P2RY14: variants seen among roughly 807,000 people sequenced by gnomAD.
P2RY14 encodes purinergic receptor P2Y14, also known as P2Y purinoceptor 14.
A neutral mutation model predicts 0.9 loss-of-function variants in P2RY14; 2 were observed. The observed-to-expected ratio is 2.16, with a 90% confidence interval of 0.88 to 6.79. P2RY14 has a LOEUF of 6.79. P2RY14 is among the 30% of genes most tolerant of loss of function. P2RY14 has a pLI of 0.05. For missense variants in P2RY14, 378 were observed against 400.1 expected (o/e 0.94, Z 0.47); for synonymous variants, 158 against 147.2 (o/e 1.07, Z -0.53).
chr3:151,255,857 T>C (rs755859789), intron 1 of P2RY14, among the ~76,000 whole-genome samples: 1 of 152,208 alleles, frequency 6.6e-6, no homozygotes, highest in African/African-American at 2.4e-5. Context: ...AGGCTGGTAA[T>C]GTAATCTCTC....
intron 1 of P2RY14, among the ~76,000 whole-genome samples, chr3:151,246,751 A>G (rs1179765014): frequency 6.6e-6 from 1 of 152,234 alleles, no homozygotes; most frequent in Non-Finnish European, 1.5e-5. Flanking sequence ...AATGGCCACA[A>G]AAGCCAAAAT....
At chr3:151,248,901 A>C (rs549825978) in intron 1 of P2RY14, 2 of 152,324 alleles carry the variant, frequency 1.3e-5, no homozygotes, top group South Asian at 2.1e-4. Context: ...TGTAGGCAAG[A>C]TAGGATCAGC....
At chr3:151,220,759 T>C (rs2149264943) in intron 1 of P2RY14, among the ~76,000 whole-genome samples, 1 of 152,338 alleles carries the variant, frequency 6.6e-6, no homozygotes, top group South Asian at 2.1e-4. Context: ...CCTCTTTCTT[T>C]TGTAAACTGT....
chr3:151,231,708 C>A (rs759232657), intron 1 of P2RY14, among the ~76,000 whole-genome samples: 2 of 152,048 alleles, frequency 1.3e-5, no homozygotes, highest in Non-Finnish European at 2.9e-5. Flanking sequence ...GAGGGAATAG[C>A]CATACAAATT....
In P2RY14 at chr3:151,213,670, G is replaced by T. The variant is rs1289150641; in HGVS notation, c.647C>A (p.Ser216Tyr). ...GGAATTCCGACTTGACTTAAGGTGG[G>T]ACTTAAAGATTTTCTTTGTGATAGC... The part of the protein sequence containing the change: ...YTAITKKIFK[S>Y]HLKSSRNSTS... Residue 216 changes from serine to tyrosine, a missense_variant, in exon 3 of 3, where the codon TCC (serine) becomes TAC (tyrosine). By Grantham distance (144) the Ser-to-Tyr change is moderately radical. Transcript: ENST00000309170. 6.2e-7 allele frequency: 1 copy of T among 1,614,004 alleles called. No individual in the cohort carries two copies. The highest frequency in any genetic ancestry group is 1.7e-5 in the Admixed American group (1 of 60,000).
At chr3:151,264,708 A>G (rs1003868262) in intron 1 of P2RY14, among the ~76,000 whole-genome samples, 2 of 152,188 alleles carry the variant, frequency 1.3e-5, no homozygotes, top group African/African-American at 4.8e-5. Context: ...AGCTGCAAGA[A>G]GGAGCTCTAA....
Position 151,223,374 on chromosome 3 carries a change from A to C in P2RY14, c.-132-3732T>G, listed in dbSNP as rs78736132. On this transcript the variant is annotated intron_variant, in intron 1 of 2. Coordinates refer to ENST00000309170, the MANE Select transcript of P2RY14 (RefSeq NM_014879.4). ...CAAAGAAAAACAAATTGTTTTACCAAAAAGACACCTTCATTCACATGTTTA... is the reference window on the plus strand; with the variant it reads ...CAAAGAAAAACAAATTGTTTTACCACAAAGACACCTTCATTCACATGTTTA... Among the ~76,000 whole-genome samples, 54 of 152,306 alleles carry C rather than the reference A, an allele frequency of 3.5e-4. No individual in the cohort carries two copies. In the East Asian group the frequency reaches 8.7e-3, roughly 24 times the overall value.
rs1207808120 is a variant in P2RY14 at position 151,213,158 on chromosome 3, A to G, written c.*142T>C. On this transcript the variant is annotated 3_prime_UTR_variant, in exon 3 of 3. Coordinates refer to ENST00000309170, the MANE Select transcript of P2RY14 (RefSeq NM_014879.4). ...ATGTTACAAAAAAGCATGGAAACTT[A>G]TATTTGAATTTTATTGAACTAAATT... 1.6e-6 allele frequency: 1 copy of G among 629,982 alleles called. No individual in the cohort carries two copies. The highest frequency in any genetic ancestry group is 2.6e-5 in the South Asian group (1 of 37,888). The allele number at this position is 629,982 out of a possible 1,614,324, so 39.0% of individuals were successfully genotyped here.
At chr3:151,261,865 C>T (rs1202056033) in intron 1 of P2RY14, among the ~76,000 whole-genome samples, 4 of 152,102 alleles carry the variant, frequency 2.6e-5, no homozygotes, top group Non-Finnish European at 5.9e-5. Context: ...GCTGGGACTA[C>T]AGGCGTTCGT....
chr3:151,237,204 A>G (rs765500487), intron 1 of P2RY14, among the ~76,000 whole-genome samples: 15 of 151,114 alleles, frequency 9.9e-5, no homozygotes, highest in Non-Finnish European at 1.6e-4. Flanking sequence ...ACGCCCAGCT[A>G]ATTTTTTGTA....
intron 1 of P2RY14, chr3:151,249,150 T>A (rs1269248100): frequency 1.3e-5 from 2 of 152,198 alleles, no homozygotes; most frequent in Non-Finnish European, 2.9e-5. Flanking sequence ...TGCTTAGGGT[T>A]ACAGATTAGC....
chr3:151,254,507 T>C (rs532368600), intron 1 of P2RY14, among the ~76,000 whole-genome samples: 3 of 152,334 alleles, frequency 2.0e-5, no homozygotes, highest in African/African-American at 7.2e-5. Flanking sequence ...AGTTGAGATA[T>C]GTAAACATGC....
intron 1 of P2RY14, among the ~76,000 whole-genome samples, chr3:151,268,047 A>C (rs887414322): frequency 3.3e-5 from 5 of 152,184 alleles, no homozygotes; most frequent in Non-Finnish European, 5.9e-5. Flanking sequence ...TCTCAAGGAA[A>C]TAGCTGGAAA....
chr3:151,274,181 C>G (rs1469068050), intron 1 of P2RY14, among the ~76,000 whole-genome samples: 1 of 152,188 alleles, frequency 6.6e-6, no homozygotes, highest in African/African-American at 2.4e-5. Context: ...TTAATGTGCA[C>G]TTTGTATTTC....
chr3:151,253,526 C>T (rs949562264), intron 1 of P2RY14, among the ~76,000 whole-genome samples: 4 of 152,162 alleles, frequency 2.6e-5, no homozygotes, highest in African/African-American at 9.6e-5. Flanking sequence ...TATGTTCTTA[C>T]TGAGAATGAA....
intron 1 of P2RY14, among the ~76,000 whole-genome samples, chr3:151,276,073 T>C (rs540720176): frequency 6.6e-6 from 1 of 152,316 alleles, no homozygotes; most frequent in African/African-American, 2.4e-5. Context: ...AAGGACACTT[T>C]TGAGATAGAA....
chr3:151,242,804 G>C (rs1050501908), intron 1 of P2RY14, among the ~76,000 whole-genome samples: 1 of 151,758 alleles, frequency 6.6e-6, no homozygotes, highest in Non-Finnish European at 1.5e-5. Context: ...GGCTTCAGAC[G>C]ATCAAATTAC....
intron 1 of P2RY14, among the ~76,000 whole-genome samples, chr3:151,259,198 A>G (rs1738408339): frequency 1.3e-5 from 2 of 152,216 alleles, no homozygotes; most frequent in Admixed American, 6.5e-5. Context: ...CTGCTGTAGG[A>G]TTACGGCCAC....
At chr3:151,246,818 T>C (rs1735628420) in intron 1 of P2RY14, among the ~76,000 whole-genome samples, 1 of 152,116 alleles carries the variant, frequency 6.6e-6, no homozygotes, top group African/African-American at 2.4e-5. Context: ...GATACTACCA[T>C]CAGAGTGAAC....
Sources: allele counts gnomAD v4.1 joint callset (sites outside exome capture counted in the v4.1 genomes callset), GRCh38; gene constraint gnomAD v4.1.1; transcripts MANE v1.5; gene names NCBI Gene and HGNC (gene_info 2026-07-23, HGNC 2026-07-21).